Variants in SLC24A3 observed in about 807,000 individuals in gnomAD.
SLC24A3 encodes solute carrier family 24 member 3.
A neutral mutation model predicts 75.8 loss-of-function variants in SLC24A3; 28 were observed. The ratio of observed to expected loss-of-function variants is 0.37; its 90% CI spans 0.27 to 0.51. The LOEUF (loss-of-function observed/expected upper bound fraction) is 0.51, where lower values mean the gene tolerates loss of function less well. Ranked by LOEUF, SLC24A3 falls within the 20% of genes least tolerant of loss-of-function variation. The pLI is 0.94. For missense variants in SLC24A3, 663 were observed against 847.8 expected, an observed-to-expected ratio of 0.78 and a Z score of 2.71; for synonymous variants, 372 against 334.1, an observed-to-expected ratio of 1.11 and a Z score of -1.24.
chr20:19,477,301 CA>C (rs1987977510), intron 2 of SLC24A3, among the ~76,000 whole-genome samples: 1 of 152,050 alleles, frequency 6.6e-6, no homozygotes, highest in South Asian at 2.1e-4. Flanking sequence ...CTGAGGAGGC[CA>C]AAAGATTCCA....
intron 3 of SLC24A3, among the ~76,000 whole-genome samples, chr20:19,517,905 T>A (rs1186868843): frequency 6.6e-6 from 1 of 152,142 alleles, no homozygotes; most frequent in Non-Finnish European, 1.5e-5. Flanking sequence ...GACCTGCTGG[T>A]GCCATCCCCA....
intron 2 of SLC24A3, among the ~76,000 whole-genome samples, chr20:19,470,832 G>A (rs1987858543): frequency 6.6e-6 from 1 of 152,144 alleles, no homozygotes; most frequent in Non-Finnish European, 1.5e-5. Context: ...CAGACATTTA[G>A]GGAGGTGCAG....
Position 19,721,143 on chromosome 20 carries a change from C to T in SLC24A3, c.*3C>T, listed in dbSNP as rs770913267. ...TGCCCATGTGCGGGGACCACTGAGCCGCCGGGTGCCCACAGAGGCTCAGCT... is the reference window on the plus strand; with the variant it reads ...TGCCCATGTGCGGGGACCACTGAGCTGCCGGGTGCCCACAGAGGCTCAGCT... On this transcript the variant is annotated 3_prime_UTR_variant, in exon 17 of 17. Coordinates refer to ENST00000328041, the MANE Select transcript of SLC24A3 (RefSeq NM_020689.4). 1.4e-5 allele frequency: 22 copies of T among 1,613,770 alleles called. No homozygotes were observed. Among genetic ancestry groups the T allele is most frequent in the East Asian group, 1.3e-4 (6 of 44,880 alleles).
chr20:19,434,333 A>G (rs1466084081), intron 2 of SLC24A3, among the ~76,000 whole-genome samples: 2 of 152,214 alleles, frequency 1.3e-5, no homozygotes, highest in Non-Finnish European at 2.9e-5. Flanking sequence ...CTCTCTAGAG[A>G]GAAGCAGGCA....
rs1451315787 is a variant in SLC24A3 at position 19,441,225 on chromosome 20, G to A, written c.272-74263G>A. The stretch of plus-strand genomic sequence containing the variant: ...TTCACATTCTGACACTGACAAACTC[G>A]GTGACCTTGGTTACGTTATCTCATC... On this transcript the variant is annotated intron_variant, in intron 2 of 16. Coordinates refer to ENST00000328041, the MANE Select transcript of SLC24A3 (RefSeq NM_020689.4). Among the ~76,000 whole-genome samples, 5 of 152,208 alleles carry A rather than the reference G, an allele frequency of 3.3e-5. No homozygotes were observed. The East Asian group carries it at 5.8e-4, about 18-fold the overall frequency.
chr20:19,496,929 G>A (rs1409414797), intron 2 of SLC24A3, among the ~76,000 whole-genome samples: 2 of 152,172 alleles, frequency 1.3e-5, no homozygotes, highest in Non-Finnish European at 2.9e-5. Context: ...CTTCCCCAGT[G>A]TCTAAACTTC....
At chr20:19,353,147 A>T (rs1230089505) in intron 2 of SLC24A3, among the ~76,000 whole-genome samples, 1 of 152,202 alleles carries the variant, frequency 6.6e-6, no homozygotes, top group Non-Finnish European at 1.5e-5. Flanking sequence ...ATGCTCTATG[A>T]TGTTCGACAA....
At chr20:19,689,753 C>T (rs963278559) in intron 12 of SLC24A3, among the ~76,000 whole-genome samples, 3 of 152,092 alleles carry the variant, frequency 2.0e-5, no homozygotes, top group Non-Finnish European at 4.4e-5. Context: ...AAGGGCTGGG[C>T]GTGGTGGCTC....
At chr20:19,646,155 A>G (rs2032134709) in intron 6 of SLC24A3, among the ~76,000 whole-genome samples, 2 of 152,226 alleles carry the variant, frequency 1.3e-5, no homozygotes. Context: ...ATTTAGTCCA[A>G]AATCACTAAA....
chr20:19,575,426 G>C (rs973000985), intron 3 of SLC24A3, among the ~76,000 whole-genome samples: 1 of 152,074 alleles, frequency 6.6e-6, no homozygotes, highest in African/African-American at 2.4e-5. Context: ...TGAACATAAA[G>C]CAAAAGGGAG....
At chr20:19,530,573 G>C (rs1322568429) in intron 3 of SLC24A3, among the ~76,000 whole-genome samples, 1 of 152,142 alleles carries the variant, frequency 6.6e-6, no homozygotes, top group Non-Finnish European at 1.5e-5. Flanking sequence ...TTCATCTTTA[G>C]AATGAGGAAA....
chr20:19,650,682 A>AT (rs1234156289), intron 6 of SLC24A3, among the ~76,000 whole-genome samples: 1 of 151,942 alleles, frequency 6.6e-6, no homozygotes, highest in African/African-American at 2.4e-5. Context: ...CTAAAGAATT[A>AT]TAAGTTTGGT....
intron 2 of SLC24A3, among the ~76,000 whole-genome samples, chr20:19,377,635 A>G (rs916442970): frequency 6.6e-6 from 1 of 152,250 alleles, no homozygotes; most frequent in Non-Finnish European, 1.5e-5. Context: ...AAATCTGTGC[A>G]TATTCTTGCA....
chr20:19,516,578 AG>A (rs1414184873), intron 3 of SLC24A3, among the ~76,000 whole-genome samples: 1 of 152,164 alleles, frequency 6.6e-6, no homozygotes, highest in Non-Finnish European at 1.5e-5. Flanking sequence ...GTGGTCCTAA[AG>A]GGTTTCTCTC....
chr20:19,688,342 C>T (rs1418690451), intron 12 of SLC24A3, among the ~76,000 whole-genome samples: 1 of 152,230 alleles, frequency 6.6e-6, no homozygotes, highest in African/African-American at 2.4e-5. Context: ...AAGCCTGATT[C>T]AGAGCCCGGG....
intron 2 of SLC24A3, among the ~76,000 whole-genome samples, chr20:19,434,893 T>C (rs1393076760): frequency 5.3e-5 from 8 of 152,208 alleles, no homozygotes; most frequent in Non-Finnish European, 8.8e-5. Flanking sequence ...GGATTCTGTC[T>C]CTTACTTTTG....
chr20:19,489,100 T>G (rs1166009820), intron 2 of SLC24A3, among the ~76,000 whole-genome samples: 3 of 152,220 alleles, frequency 2.0e-5, no homozygotes, highest in African/African-American at 7.2e-5. Context: ...TTGGAATTTC[T>G]GGGGAAGTCA....
At chr20:19,245,063 T>C (rs1243969480) in intron 1 of SLC24A3, among the ~76,000 whole-genome samples, 1 of 152,160 alleles carries the variant, frequency 6.6e-6, no homozygotes. Context: ...AACAGGGGAC[T>C]GTATGGTAAA....
At chr20:19,350,673 A>T (rs927349195) in intron 2 of SLC24A3, among the ~76,000 whole-genome samples, 2 of 152,222 alleles carry the variant, frequency 1.3e-5, no homozygotes, top group Admixed American at 6.5e-5. Flanking sequence ...AATGGAAATG[A>T]TTAGATTAGG....
Sources: gnomAD v4.1 joint callset for allele counts (sites outside exome capture counted in the v4.1 genomes callset) on GRCh38, gnomAD v4.1.1 for gene constraint, MANE v1.5 for transcripts, NCBI Gene and HGNC (gene_info 2026-07-23, HGNC 2026-07-21) for gene names.